Variants in STAB2 observed in about 807,000 individuals in gnomAD.
STAB2 encodes the protein stabilin-2.
A neutral mutation model predicts 338.1 loss-of-function variants in STAB2; 288 were observed. That is an observed-to-expected ratio of 0.85 (90% CI 0.77 to 0.94). The LOEUF (loss-of-function observed/expected upper bound fraction) is 0.94, where lower values mean the gene tolerates loss of function less well. Ranked by LOEUF, STAB2 falls within the 40% of genes least tolerant of loss-of-function variation. STAB2 has a pLI of 0.00. For synonymous variants in STAB2, 1,202 were observed against 1,193.3 expected (o/e 1.01, Z -0.15); for missense variants, 3,141 against 3,210.1 (o/e 0.98, Z 0.52).
intron 68 of STAB2, among the ~76,000 whole-genome samples, chr12:103,763,987 CT>C (rs563715947): frequency 0.034 from 5,031 of 147,074 alleles, 81 homozygotes; most frequent in South Asian, 0.047. Context: ...TTTAGATGTC[CT>C]TTTTTTTTTT....
intron 51 of STAB2, among the ~76,000 whole-genome samples, chr12:103,734,557 A>C (rs1343799316): frequency 1.3e-5 from 2 of 152,222 alleles, no homozygotes; most frequent in East Asian, 3.8e-4. Context: ...GCACAATCAT[A>C]TAGGAACATG....
intron 3 of STAB2, among the ~76,000 whole-genome samples, chr12:103,609,584 T>G (rs972652088): frequency 3.9e-5 from 6 of 152,172 alleles, no homozygotes; most frequent in South Asian, 2.1e-4. Flanking sequence ...AAGGAGATTT[T>G]GGGCTGAGAT....
intron 15 of STAB2, among the ~76,000 whole-genome samples, chr12:103,657,088 A>C (rs1874247573): frequency 6.6e-6 from 1 of 152,172 alleles, no homozygotes; most frequent in Non-Finnish European, 1.5e-5. Flanking sequence ...TTTCCATAGA[A>C]AAAGTCAGAT....
chr12:103,696,911 T>C (rs374675671), intron 33 of STAB2, among the ~76,000 whole-genome samples: 2 of 151,784 alleles, frequency 1.3e-5, no homozygotes, highest in African/African-American at 4.8e-5. Flanking sequence ...TATGGGAGAG[T>C]CTCTGTGTGA....
intron 3 of STAB2, among the ~76,000 whole-genome samples, chr12:103,612,539 G>T (rs556886624): frequency 6.6e-6 from 1 of 152,270 alleles, no homozygotes; most frequent in South Asian, 2.1e-4. Flanking sequence ...AGCTCCGTCA[G>T]GTCCTTTAAG....
At chr12:103,702,628 T>A (rs1429779215) in intron 34 of STAB2, among the ~76,000 whole-genome samples, 1 of 152,212 alleles carries the variant, frequency 6.6e-6, no homozygotes, top group African/African-American at 2.4e-5. Context: ...TGTATAACCA[T>A]CATTAGCCTT....
chr12:103,666,282 T>C lies in STAB2; in HGVS notation c.2023-9T>C, dbSNP rs1382412964. On this transcript the variant is annotated splice_polypyrimidine_tract_variant and intron_variant, in intron 18 of 68. Transcript: ENST00000388887. ...GACACCTGCACTGACCTCCTGTCTC[T>C]CCCTCCAGGGCACTTGTGTGAGCTG... is the stretch of plus-strand genomic sequence containing the variant. The C allele has an allele frequency of 6.2e-7, 1 of 1,613,878 alleles. No homozygotes were observed. The highest frequency in any genetic ancestry group is 2.2e-5 in the East Asian group (1 of 44,864).
At chr12:103,746,783 C>T (rs1883073664) in intron 58 of STAB2, 79 bp downstream of exon 58, 1 of 1,406,188 alleles carries the variant, frequency 7.1e-7, no homozygotes, top group Non-Finnish European at 1.0e-6. Context: ...GCCTGGGCTT[C>T]ATCCTAGCCC....
intron 63 of STAB2, chr12:103,757,957 T>C (rs1884258506): frequency 1.6e-6 from 1 of 631,820 alleles, no homozygotes; most frequent in Non-Finnish European, 2.7e-6. Flanking sequence ...GGCTGTGACG[T>C]GGCTGTGTCT....
intron 30 of STAB2, among the ~76,000 whole-genome samples, chr12:103,690,959 C>T (rs1877888134): frequency 6.6e-6 from 1 of 152,164 alleles, no homozygotes; most frequent in African/African-American, 2.4e-5. Context: ...AGAATTAAAT[C>T]TTTATTAGAG....
At chr12:103,689,709 TG>T in intron 28 of STAB2, 136 bp from the exon 29 acceptor site, 1 of 1,026,770 alleles carries the variant, frequency 9.7e-7, no homozygotes, top group Non-Finnish European at 1.4e-6. Flanking sequence ...AGCCAGTGGG[TG>T]GGGTGGATTT....
chr12:103,620,488 T>C lies in STAB2; in HGVS notation c.352T>C (p.Ser118Pro). ...CCTAGAGTGCCCAGGTGGAGCGGGG[T>C]CACCCTGCAATGGCAGAGGCAGTTG... The part of the protein sequence containing the change: ...DCIECPGGAG[S>P]PCNGRGSCAE... Residue 118 changes from serine to proline, a missense_variant, in exon 4 of 69, where the codon TCA (serine) becomes CCA (proline). Ser to Pro is a moderately conservative substitution (Grantham distance 74). Coordinates refer to ENST00000388887, the MANE Select transcript of STAB2 (RefSeq NM_017564.10). 23 of 1,584,282 alleles carry C rather than the reference T, an allele frequency of 1.5e-5. No homozygotes were observed. Among genetic ancestry groups the C allele is most frequent in the Non-Finnish European group, 2.0e-5 (23 of 1,163,822 alleles).
Position 103,740,772 on chromosome 12 carries a change from C to T in STAB2, c.5881+16C>T. On this transcript the variant is annotated intron_variant, in intron 55 of 68. Transcript: ENST00000388887. ...GACTGTCAGGGTGAGGGTGCCTCTT[C>T]CCCCCTCGCAACTCTAAAAGTGGTA... is the stretch of plus-strand genomic sequence containing the variant. The T allele has an allele frequency of 6.4e-7, 1 of 1,558,238 alleles. No homozygotes were observed. Among genetic ancestry groups the T allele is most frequent in the South Asian group, 1.2e-5 (1 of 81,918 alleles).
chr12:103,762,158 T>G, intron 66 of STAB2, 116 bp from the exon 67 acceptor site: 1 of 1,419,554 alleles, frequency 7.0e-7, no homozygotes, highest in Non-Finnish European at 9.6e-7. Flanking sequence ...AGATACATGT[T>G]AACATGTCAG....
At position 103,766,482 on chromosome 12, in the gene STAB2, T is replaced by C. The variant is rs1344961840; in HGVS notation, c.*146T>C. On this transcript the variant is annotated 3_prime_UTR_variant, in exon 69 of 69. Coordinates refer to ENST00000388887, the MANE Select transcript of STAB2 (RefSeq NM_017564.10). The stretch of plus-strand genomic sequence containing the variant: ...ATCTCTCTGGCTGATCTGGGGGTTG[T>C]TTCTGTGGGTGAGAGATGTGTTGCT... 1.5e-5 allele frequency: 14 copies of C among 919,928 alleles called. No homozygotes were observed. The South Asian group carries it at 2.3e-4, about 15-fold the overall frequency. The allele number at this position is 919,928 out of a possible 1,614,324, so 57.0% of individuals were successfully genotyped here.
intron 6 of STAB2, among the ~76,000 whole-genome samples, chr12:103,633,431 C>T (rs1216956203): frequency 6.6e-6 from 1 of 152,202 alleles, no homozygotes; most frequent in African/African-American, 2.4e-5. Flanking sequence ...GCCTGTAATT[C>T]CAGCACTTTG....
At chr12:103,761,780 C>T (rs1884559117) in intron 66 of STAB2, among the ~76,000 whole-genome samples, 1 of 152,194 alleles carries the variant, frequency 6.6e-6, no homozygotes, top group South Asian at 2.1e-4. Flanking sequence ...TAATGCCTCC[C>T]TCCTGGGTTT....
intron 3 of STAB2, among the ~76,000 whole-genome samples, chr12:103,614,689 T>C (rs1438937649): frequency 6.6e-6 from 1 of 152,228 alleles, no homozygotes; most frequent in Non-Finnish European, 1.5e-5. Context: ...AAACATTGCC[T>C]AGTGTCCAGC....
chr12:103,684,028 G>A (rs1293970247), intron 26 of STAB2, among the ~76,000 whole-genome samples: 2 of 152,184 alleles, frequency 1.3e-5, no homozygotes, highest in African/African-American at 4.8e-5. Flanking sequence ...ACCAGGACAT[G>A]AAGAGAGCAG....
Sources: gnomAD v4.1 joint callset for allele counts (sites outside exome capture counted in the v4.1 genomes callset) on GRCh38, gnomAD v4.1.1 for gene constraint, MANE v1.5 for transcripts, NCBI Gene and HGNC (gene_info 2026-07-23, HGNC 2026-07-21) for gene names.